Variants in FOXP2 observed in about 807,000 individuals in gnomAD.
The protein encoded by FOXP2 is forkhead box P2.
FOXP2 carries 12 observed loss-of-function variants against 115.8 expected under a neutral mutation model. That is an observed-to-expected ratio of 0.10 (90% CI 0.07 to 0.17). The LOEUF (loss-of-function observed/expected upper bound fraction) is 0.17. Among genes scored for constraint, FOXP2 ranks in the 10% least tolerant of loss-of-function variants. FOXP2 has a pLI of 1.00. For missense variants in FOXP2, 629 were observed against 843.5 expected (o/e 0.75, Z 3.15); for synonymous variants, 328 against 297.7 (o/e 1.10, Z -1.05).
At chr7:114,228,206 A>C (rs989398534) in intron 1 of FOXP2, among the ~76,000 whole-genome samples, 8 of 152,038 alleles carry the variant, frequency 5.3e-5, no homozygotes, top group African/African-American at 1.9e-4. Context: ...AATGGACTAG[A>C]CAAGAGTGTT....
At chr7:114,093,102 GTC>G (rs1338472174) in intron 1 of FOXP2, among the ~76,000 whole-genome samples, 2 of 152,076 alleles carry the variant, frequency 1.3e-5, no homozygotes, top group African/African-American at 4.8e-5. Flanking sequence ...AGCTTCTTAT[GTC>G]TCTCAGAATA....
chr7:114,641,112 A>G (rs1805502973), intron 6 of FOXP2, among the ~76,000 whole-genome samples: 1 of 152,204 alleles, frequency 6.6e-6, no homozygotes, highest in African/African-American at 2.4e-5. Context: ...CAACTTTACC[A>G]CGTAGAAGCT....
At chr7:114,223,837 CA>C (rs1794682045) in intron 1 of FOXP2, among the ~76,000 whole-genome samples, 1 of 151,386 alleles carries the variant, frequency 6.6e-6, no homozygotes. Context: ...TTTAGTTTAT[CA>C]ATTTTAATTT....
chr7:114,369,182 T>A (rs2694941), intron 2 of FOXP2, among the ~76,000 whole-genome samples: 60,090 of 152,124 alleles, frequency 0.4, 13,199 homozygotes, highest in East Asian at 0.86. Flanking sequence ...AGCAGGAAAC[T>A]GCAAAGCTCT....
intron 2 of FOXP2, among the ~76,000 whole-genome samples, chr7:114,493,503 C>G (rs988081220): frequency 6.6e-6 from 1 of 152,070 alleles, no homozygotes; most frequent in East Asian, 1.9e-4. Context: ...AAATCTGTAC[C>G]TTTCACTCAA....
At chr7:114,103,471 C>A (rs1791038269) in intron 1 of FOXP2, among the ~76,000 whole-genome samples, 1 of 151,936 alleles carries the variant, frequency 6.6e-6, no homozygotes, top group Non-Finnish European at 1.5e-5. Context: ...CTTGCCTAGT[C>A]TGTGTAGAGG....
chr7:114,241,022 A>G (rs183102551), intron 1 of FOXP2, among the ~76,000 whole-genome samples: 1 of 152,164 alleles, frequency 6.6e-6, no homozygotes, highest in East Asian at 1.9e-4. Context: ...GACTCCCTCC[A>G]TAAGATTTTA....
At chr7:114,676,261 T>C (rs1041991585) in intron 16 of FOXP2, among the ~76,000 whole-genome samples, 2 of 152,012 alleles carry the variant, frequency 1.3e-5, no homozygotes, top group African/African-American at 4.8e-5. Flanking sequence ...AGTTAATGTA[T>C]TCCACGTAAG....
At chr7:114,585,126 A>G (rs1367160543) in intron 3 of FOXP2, among the ~76,000 whole-genome samples, 1 of 152,210 alleles carries the variant, frequency 6.6e-6, no homozygotes, top group Non-Finnish European at 1.5e-5. Flanking sequence ...GTTTATCCTT[A>G]CTAACGAAGA....
chr7:114,415,414 T>C, intron 1 of FOXP2, 54 bp downstream of exon 1: 2 of 388,322 alleles, frequency 5.2e-6, no homozygotes, highest in Non-Finnish European at 1.0e-5. Flanking sequence ...AGGGGTGGGA[T>C]TTTACGATTG....
chr7:114,157,703 G>A (rs1453188302), intron 1 of FOXP2, among the ~76,000 whole-genome samples: 2 of 151,992 alleles, frequency 1.3e-5, no homozygotes, highest in Non-Finnish European at 1.5e-5. Flanking sequence ...TTAAATTTAG[G>A]CATTAATGTG....
intron 3 of FOXP2, among the ~76,000 whole-genome samples, chr7:114,597,011 A>T (rs1052219390): frequency 6.6e-6 from 1 of 152,132 alleles, no homozygotes; most frequent in Non-Finnish European, 1.5e-5. Context: ...AAAATAATTC[A>T]GAATTATTAT....
intron 1 of FOXP2, among the ~76,000 whole-genome samples, chr7:114,136,973 A>G (rs994049350): frequency 2.0e-5 from 3 of 152,072 alleles, no homozygotes; most frequent in Admixed American, 6.5e-5. Flanking sequence ...TGAGGAATGT[A>G]GACTCCATTT....
At chr7:114,364,348 C>A (rs1421511010) in intron 2 of FOXP2, among the ~76,000 whole-genome samples, 4 of 152,084 alleles carry the variant, frequency 2.6e-5, no homozygotes, top group African/African-American at 4.8e-5. Flanking sequence ...ACAGGATACA[C>A]CCCTCACCCC....
At chr7:114,604,764 G>T (rs1318100525) in intron 3 of FOXP2, among the ~76,000 whole-genome samples, 1 of 152,114 alleles carries the variant, frequency 6.6e-6, no homozygotes, top group Non-Finnish European at 1.5e-5. Context: ...ATCCAAGCTT[G>T]CTTAGGCCTC....
At chr7:114,277,971 G>T (rs1490506360) in intron 1 of FOXP2, among the ~76,000 whole-genome samples, 1 of 146,392 alleles carries the variant, frequency 6.8e-6, no homozygotes, top group East Asian at 2.1e-4. Flanking sequence ...AGGTAGCAGT[G>T]AGCTGAGATC....
chr7:114,672,511 G>C (rs1462899783), intron 16 of FOXP2, among the ~76,000 whole-genome samples: 1 of 152,096 alleles, frequency 6.6e-6, no homozygotes, highest in Non-Finnish European at 1.5e-5. Flanking sequence ...CTTGAACCCA[G>C]GTGGCAGAAG....
chr7:114,213,207 GA>G (rs1399359493), intron 1 of FOXP2, among the ~76,000 whole-genome samples: 6 of 152,194 alleles, frequency 3.9e-5, no homozygotes, highest in Admixed American at 1.3e-4. Context: ...GGTATTTCTA[GA>G]AATTGCCTCA....
intron 3 of FOXP2, among the ~76,000 whole-genome samples, chr7:114,607,900 T>C (rs114913727): frequency 0.01 from 1,528 of 152,298 alleles, 21 homozygotes; most frequent in African/African-American, 0.035. Flanking sequence ...TCCTGGCTAA[T>C]TTCTTATAAT....
Sources: allele counts gnomAD v4.1 joint callset (sites outside exome capture counted in the v4.1 genomes callset), GRCh38; gene constraint gnomAD v4.1.1; transcripts MANE v1.5; gene names NCBI Gene and HGNC (gene_info 2026-07-23, HGNC 2026-07-21).